BICDL1: variants seen among roughly 807,000 people sequenced by gnomAD.
BICDL1 encodes the protein BICD family-like cargo adapter 1.
BICDL1 carries 20 observed loss-of-function variants against 76.8 expected under a neutral mutation model. The ratio of observed to expected loss-of-function variants is 0.26; its 90% confidence interval spans 0.18 to 0.38. BICDL1 has a LOEUF of 0.38. Ranked by LOEUF, BICDL1 falls within the 10% of genes least tolerant of loss-of-function variation. The pLI, the probability that BICDL1 is intolerant of heterozygous loss-of-function variation, is 1.00. For synonymous variants in BICDL1, 383 were observed against 337.1 expected (o/e 1.14, Z -1.49); for missense variants, 700 against 798.6 (o/e 0.88, Z 1.49).
Position 120,042,136 on chromosome 12 carries a change from G to A in BICDL1, c.646-19574G>A, listed in dbSNP as rs576555134. Reference sequence around the variant, plus strand: ...GATGGGAGAGTGGAGGCGGGAAGAAGTGATAGCATCCTGGATATTAATTTT... The same window carrying A: ...GATGGGAGAGTGGAGGCGGGAAGAAATGATAGCATCCTGGATATTAATTTT... On this transcript the variant is annotated intron_variant, in intron 2 of 9. Transcript: ENST00000548673. Among the ~76,000 whole-genome samples, 3 of 152,244 alleles carry A rather than the reference G, an allele frequency of 2.0e-5. No homozygotes were observed. In the South Asian group the frequency reaches 6.2e-4, roughly 32 times the overall value.
intron 2 of BICDL1, among the ~76,000 whole-genome samples, chr12:120,009,135 A>C (rs560800800): frequency 3.9e-5 from 6 of 152,088 alleles, no homozygotes; most frequent in Admixed American, 3.3e-4. Flanking sequence ...TTACAGGCAC[A>C]CGCCACCACA....
intron 2 of BICDL1, among the ~76,000 whole-genome samples, chr12:120,035,628 C>T (rs1952516705): frequency 6.6e-6 from 1 of 152,134 alleles, no homozygotes; most frequent in Non-Finnish European, 1.5e-5. Context: ...TGAGAAATGC[C>T]CTTGCGTCAA....
chr12:119,999,090 A>G (rs1951710558), intron 2 of BICDL1, among the ~76,000 whole-genome samples: 1 of 147,452 alleles, frequency 6.8e-6, no homozygotes, highest in Non-Finnish European at 1.5e-5. Context: ...AAAAGTTGAA[A>G]TAGAGCTTCT....
rs1875142299 is a variant in BICDL1 at position 120,093,240 on chromosome 12, G to A, written c.*79G>A. 1 of 1,488,850 alleles carries A rather than the reference G, an allele frequency of 6.7e-7. No homozygotes were observed. Among genetic ancestry groups the A allele is most frequent in the East Asian group, 2.5e-5 (1 of 40,524 alleles). 92.2% of individuals were successfully genotyped at this position (1,488,850 alleles called of 1,614,324 possible). A position where few individuals can be genotyped will look rare whatever the true frequency, so the allele number is the denominator to read the frequency against. On this transcript the variant is annotated 3_prime_UTR_variant, in exon 10 of 10. Transcript: ENST00000548673. ...CGGTGCAGGCAAGGCCTCCCCTGCA[G>A]CTTGCACCTCAGCAGCTGCCCTGCC...
chr12:119,994,508 G>A (rs1234116004), intron 1 of BICDL1, among the ~76,000 whole-genome samples: 2 of 148,310 alleles, frequency 1.3e-5, no homozygotes, highest in East Asian at 2.0e-4. Flanking sequence ...TTTTTTTTTC[G>A]AGACGGAGTC....
intron 2 of BICDL1, among the ~76,000 whole-genome samples, chr12:120,061,273 A>G (rs1169440247): frequency 6.6e-6 from 1 of 152,262 alleles, no homozygotes; most frequent in African/African-American, 2.4e-5. Context: ...AGAGAAATGC[A>G]GATGCACGTG....
At chr12:120,000,979 A>T (rs781074579) in intron 2 of BICDL1, among the ~76,000 whole-genome samples, 2 of 152,212 alleles carry the variant, frequency 1.3e-5, no homozygotes, top group African/African-American at 4.8e-5. Flanking sequence ...GAAAATCCTG[A>T]TAAGCTGCTC....
chr12:120,053,851 G>A (rs1002691015), intron 2 of BICDL1, among the ~76,000 whole-genome samples: 1 of 152,104 alleles, frequency 6.6e-6, no homozygotes, highest in Non-Finnish European at 1.5e-5. Flanking sequence ...ATACATGTAT[G>A]TTTATCAGAC....
rs778594475 is a variant in BICDL1, at chr12:120,061,757, A to G, written c.693A>G (p.Arg231=). ...RQLSMQVHAL[R]EDFREKNSST... is the part of the protein sequence containing the mutation. The stretch of plus-strand genomic sequence containing the variant: ...TCTCCATGCAGGTCCACGCCCTCAG[A>G]GAAGACTTTCGGGAGAAAAACTCAT... Residue 231 remains arginine (R), a synonymous_variant, in exon 3 of 10, where the codon AGA becomes AGG. Coordinates refer to ENST00000548673, the MANE Select transcript of BICDL1 (RefSeq NM_001367886.1). The G allele has an allele frequency of 2.3e-5, 37 of 1,614,100 alleles. No individual in the cohort carries two copies. The highest frequency in any genetic ancestry group is 3.1e-5 in the Non-Finnish European group (37 of 1,180,038).
intron 2 of BICDL1, among the ~76,000 whole-genome samples, chr12:120,039,806 T>C (rs759608625): frequency 6.6e-6 from 1 of 151,788 alleles, no homozygotes; most frequent in Non-Finnish European, 1.5e-5. Flanking sequence ...TTTCAGGGAG[T>C]GTCACCAGTT....
At chr12:120,054,879 CAA>C (rs1034423734) in intron 2 of BICDL1, among the ~76,000 whole-genome samples, 1 of 151,984 alleles carries the variant, frequency 6.6e-6, no homozygotes, top group Non-Finnish European at 1.5e-5. Context: ...GACTTCATCT[CAA>C]ATAATAATAA....
chr12:120,072,385 C>G, intron 5 of BICDL1, 126 bp from the exon 6 acceptor site: 1 of 827,632 alleles, frequency 1.2e-6, no homozygotes, highest in Non-Finnish European at 1.9e-6. Context: ...AAACACAGAA[C>G]AAAAAACCCT....
intron 2 of BICDL1, among the ~76,000 whole-genome samples, chr12:120,035,805 G>C (rs140677061): frequency 6.6e-5 from 10 of 152,108 alleles, no homozygotes; most frequent in African/African-American, 2.4e-4. Context: ...CCATAAGCAC[G>C]ACCTCTTCTT....
intron 2 of BICDL1, among the ~76,000 whole-genome samples, chr12:120,011,874 C>A (rs1253974165): frequency 6.6e-6 from 1 of 152,142 alleles, no homozygotes; most frequent in Non-Finnish European, 1.5e-5. Context: ...TAGGTTCTAG[C>A]CCATGTTCTG....
intron 2 of BICDL1, among the ~76,000 whole-genome samples, chr12:120,021,586 CAAAAAAAAAA>C (rs145151630): frequency 1.7e-4 from 8 of 46,326 alleles, no homozygotes; most frequent in African/African-American, 4.4e-4. Context: ...GACTCCATCT[CAAAAAAAAAA>C]AAAAAAAAAA....
chr12:119,992,168 T>TA (rs1252107588), intron 1 of BICDL1, among the ~76,000 whole-genome samples: 1 of 152,194 alleles, frequency 6.6e-6, no homozygotes, highest in Non-Finnish European at 1.5e-5. Context: ...TTGAAAATTA[T>TA]AAAAAATTTT....
intron 2 of BICDL1, among the ~76,000 whole-genome samples, chr12:120,018,615 T>C (rs1462038023): frequency 4.6e-5 from 7 of 152,144 alleles, no homozygotes; most frequent in African/African-American, 1.7e-4. Context: ...TTTGGCTCTG[T>C]TGATTACCAG....
At chr12:120,053,454 T>G (rs1952907912) in intron 2 of BICDL1, among the ~76,000 whole-genome samples, 1 of 152,242 alleles carries the variant, frequency 6.6e-6, no homozygotes, top group Non-Finnish European at 1.5e-5. Context: ...ATTGAATTGT[T>G]TATCAGTGTA....
At chr12:120,081,986 A>G (rs1418667808) in intron 8 of BICDL1, among the ~76,000 whole-genome samples, 3 of 151,882 alleles carry the variant, frequency 2.0e-5, no homozygotes, top group Non-Finnish European at 4.4e-5. Flanking sequence ...TCTTAATAAT[A>G]TCAGAATCCA....
Sources: allele counts gnomAD v4.1 joint callset (sites outside exome capture counted in the v4.1 genomes callset), GRCh38; gene constraint gnomAD v4.1.1; transcripts MANE v1.5; gene names NCBI Gene and HGNC (gene_info 2026-07-23, HGNC 2026-07-21).